The following GSE1 variants were observed in gnomAD, a reference collection of about 807,000 sequenced individuals.
The protein encoded by GSE1 is genetic suppressor element 1.
GSE1 carries 32 observed loss-of-function variants against 112.6 expected under a neutral mutation model. The observed-to-expected ratio is 0.28, with a 90% CI of 0.21 to 0.38. The LOEUF (loss-of-function observed/expected upper bound fraction) is 0.38, where lower values mean the gene tolerates loss of function less well. Ranked by LOEUF, GSE1 falls within the 10% of genes least tolerant of loss-of-function variation. The pLI is 1.00. For missense variants in GSE1, 2,348 were observed against 1,699.2 expected (o/e 1.38, Z -6.71); for synonymous variants, 1,115 against 735.6 (o/e 1.52, Z -8.35).
intron 2 of GSE1, among the ~76,000 whole-genome samples, chr16:85,400,557 G>GTGTGGT (rs1341652883): frequency 4.0e-5 from 6 of 151,294 alleles, no homozygotes; most frequent in African/African-American, 1.5e-4. Flanking sequence ...TGTGTGTTGC[G>GTGTGGT]TGTGGTTGTG....
chr16:85,648,560 C>G lies in GSE1; in HGVS notation c.235C>G (p.Leu79Val). Residue 79 changes from leucine (L) to valine (V), a missense_variant, in exon 3 of 16, where the codon CTG becomes GTG. Transcript: ENST00000253458. Reference sequence around the variant, plus strand: ...CGTCTTCTCCTCCACAGGGTCCTCACTGAGCAGCGAGTCGTCCCCCGTGTC... The same window carrying G: ...CGTCTTCTCCTCCACAGGGTCCTCAGTGAGCAGCGAGTCGTCCCCCGTGTC... ...KQAEEPRGSS[L>V]SSESSPVSSP... The G allele has an allele frequency of 2.6e-6, 4 of 1,558,138 alleles. No homozygotes were observed. Among genetic ancestry groups the G allele is most frequent in the South Asian group, 1.2e-5 (1 of 84,190 alleles).
rs887885952 is a variant in GSE1, at chr16:85,672,729, C to T, written c.*190C>T. On this transcript the variant is annotated 3_prime_UTR_variant, in exon 16 of 16. Coordinates refer to ENST00000253458, the MANE Select transcript of GSE1 (RefSeq NM_014615.5). ...CTTGACGTCAATGCAATTGAATCAC[C>T]GTTGTCATTCAGCGAGCAACCAATG... The T allele has an allele frequency of 3.6e-5, 15 of 416,298 alleles. No homozygotes were observed. Among genetic ancestry groups the T allele is most frequent in the South Asian group, 1.4e-4 (2 of 13,946 alleles). The allele number at this position is 416,298 out of a possible 1,614,324, so 25.8% of individuals were successfully genotyped here. A position where few individuals can be genotyped will look rare whatever the true frequency, so the allele number is the denominator to read the frequency against.
intron 1 of GSE1, among the ~76,000 whole-genome samples, chr16:85,290,807 T>C (rs1445164934): frequency 6.6e-6 from 1 of 151,808 alleles, no homozygotes; most frequent in African/African-American, 2.4e-5. Flanking sequence ...GCCAGTGCCA[T>C]GTCCTGCATT....
chr16:85,555,285 G>C, upstream of GSE1: 1 of 985,104 alleles, frequency 1.0e-6, no homozygotes, highest in Non-Finnish European at 1.2e-6. Flanking sequence ...CTCTCCTCCT[G>C]CCTCCTTCTG....
At chr16:85,361,811 T>C (rs1411346081) in intron 2 of GSE1, among the ~76,000 whole-genome samples, 3 of 152,108 alleles carry the variant, frequency 2.0e-5, no homozygotes, top group Non-Finnish European at 4.4e-5. Context: ...TTGTGTGTGT[T>C]GTGGAAGGCG....
intron 1 of GSE1, among the ~76,000 whole-genome samples, chr16:85,626,832 G>C (rs890055586): frequency 6.6e-6 from 1 of 152,018 alleles, no homozygotes; most frequent in Non-Finnish European, 1.5e-5. Flanking sequence ...CTCGTGGGGA[G>C]GGGGAGCGAG....
chr16:85,630,497 A>G (rs2049451793), intron 1 of GSE1, among the ~76,000 whole-genome samples: 1 of 152,052 alleles, frequency 6.6e-6, no homozygotes, highest in Non-Finnish European at 1.5e-5. Context: ...GTTTCAGGGT[A>G]ATTTACAGAG....
chr16:85,256,449 G>A (rs758891341), intron 1 of GSE1, among the ~76,000 whole-genome samples: 1 of 152,260 alleles, frequency 6.6e-6, no homozygotes, highest in Non-Finnish European at 1.5e-5. Context: ...GTTTGGGACT[G>A]TTCTCGTTGC....
At chr16:85,613,011 C>CG (rs1342724069), upstream of GSE1, 1 of 282,612 alleles carries the variant, frequency 3.5e-6, no homozygotes, top group African/African-American at 2.3e-5. Context: ...GTGGCACCTC[C>CG]GCGGCCCCGC....
Position 85,191,543 on chromosome 16 carries a change from G to A in GSE1, c.2283+19736G>A, listed in dbSNP as rs190370504. Among the ~76,000 whole-genome samples the A allele has an allele frequency of 4.1e-4, 62 of 152,324 alleles. 1 individual carries two copies. The highest frequency in any genetic ancestry group is 1.4e-3 in the African/African-American group (59 of 41,576). On this transcript the variant is annotated intron_variant, in intron 1 of 2. Transcript: ENST00000637419. ...AGCAGTGCTCCCTGAGCAGCTCAGA[G>A]GCAGAGACAGCTGATCTTTCCTGTT...
At chr16:85,474,608 C>G (rs962661891) in intron 2 of GSE1, among the ~76,000 whole-genome samples, 1 of 151,802 alleles carries the variant, frequency 6.6e-6, no homozygotes, top group African/African-American at 2.4e-5. Context: ...TCTCCTCCCC[C>G]AGTCCCCCTT....
chr16:85,458,937 A>T (rs772932408), intron 2 of GSE1, among the ~76,000 whole-genome samples: 4 of 152,114 alleles, frequency 2.6e-5, no homozygotes, highest in Non-Finnish European at 4.4e-5. Flanking sequence ...CCTGCTCTGG[A>T]TAAACCGTGC....
intron 2 of GSE1, among the ~76,000 whole-genome samples, chr16:85,481,697 G>A (rs186993590): frequency 6.6e-6 from 1 of 152,344 alleles, no homozygotes; most frequent in East Asian, 1.9e-4. Flanking sequence ...TTTTGACCTT[G>A]GGTGTCGCTA....
At chr16:85,539,631 C>T (rs531580572) in intron 2 of GSE1, among the ~76,000 whole-genome samples, 2 of 152,162 alleles carry the variant, frequency 1.3e-5, no homozygotes, top group East Asian at 1.9e-4. Flanking sequence ...TGTTGGAGGC[C>T]GTTCTGTGGC....
intron 1 of GSE1, among the ~76,000 whole-genome samples, chr16:85,329,652 C>T (rs1394378637): frequency 5.9e-5 from 9 of 151,822 alleles, no homozygotes; most frequent in Admixed American, 2.0e-4. Context: ...CATTAAGCGC[C>T]GGTGTTCTGA....
At chr16:85,449,119 G>A (rs1378489155) in intron 2 of GSE1, among the ~76,000 whole-genome samples, 1 of 152,212 alleles carries the variant, frequency 6.6e-6, no homozygotes, top group Non-Finnish European at 1.5e-5. Flanking sequence ...GGTGGGAGCA[G>A]GGAGCAGCTG....
At position 85,336,971 on chromosome 16, in the gene GSE1, C is replaced by T. The variant is rs530716513; in HGVS notation, c.2284-20492C>T. Among the ~76,000 whole-genome samples the T allele has an allele frequency of 8.1e-5, 12 of 148,860 alleles. 1 individual carries two copies. The South Asian group carries it at 1.3e-3, about 16-fold the overall frequency. On this transcript the variant is annotated intron_variant, in intron 1 of 2. Transcript: ENST00000637419. ...ACATGCTTGTATACACATAGGCACA[C>T]ATATACATGGGCACACACACAGACA...
chr16:85,302,457 C>T (rs1028581460), intron 1 of GSE1, among the ~76,000 whole-genome samples: 78 of 150,566 alleles, frequency 5.2e-4, no homozygotes, highest in African/African-American at 1.8e-3. Context: ...CGCCCCCCCC[C>T]GCCCCCACAC....
intron 1 of GSE1, among the ~76,000 whole-genome samples, 177 bp from the exon 2 acceptor site, chr16:85,633,737 C>T (rs958341275): frequency 2.0e-5 from 3 of 152,172 alleles, no homozygotes; most frequent in Admixed American, 1.3e-4. Context: ...ACTCTGGGGA[C>T]GGGGTCTGTT....
Sources: allele counts gnomAD v4.1 joint callset (sites outside exome capture counted in the v4.1 genomes callset), GRCh38; gene constraint gnomAD v4.1.1; transcripts MANE v1.5; gene names NCBI Gene and HGNC (gene_info 2026-07-23, HGNC 2026-07-21).